GLIS3: variants seen among roughly 807,000 people sequenced by gnomAD.
The protein encoded by GLIS3 is GLIS family zinc finger 3, also known as zinc finger protein GLIS3.
GLIS3 carries 53 observed loss-of-function variants against 78.6 expected under a neutral mutation model. The ratio of observed to expected loss-of-function variants is 0.67; its 90% CI spans 0.54 to 0.85. The LOEUF is 0.85. GLIS3 is among the 40% of genes least tolerant of loss of function. The pLI is 0.00. For missense variants in GLIS3, 1,703 were observed against 1,231.1 expected (o/e 1.38, Z -5.74); for synonymous variants, 684 against 509.9 (o/e 1.34, Z -4.60).
chr9:4,360,024 CAA>C, the GLIS3 span, among the ~76,000 whole-genome samples: 8 of 134,002 alleles, frequency 6.0e-5, no homozygotes, highest in Admixed American at 2.2e-4. Flanking sequence ...TCAGGATTTG[CAA>C]AAAAAAAAAA....
At chr9:3,895,995 T>C (rs17693691) in intron 7 of GLIS3, among the ~76,000 whole-genome samples, 4,746 of 152,342 alleles carry the variant, frequency 0.031, 113 homozygotes, top group Middle Eastern at 0.058. Flanking sequence ...TTTTGTATAA[T>C]AGAACATAAA....
chr9:3,987,288 C>T (rs1363760233), intron 4 of GLIS3, among the ~76,000 whole-genome samples: 2 of 151,900 alleles, frequency 1.3e-5, no homozygotes, highest in Non-Finnish European at 2.9e-5. Flanking sequence ...AAAAGGCAAA[C>T]ATAATGAGAA....
At chr9:4,027,052 C>G (rs1367278217) in intron 4 of GLIS3, among the ~76,000 whole-genome samples, 1 of 152,144 alleles carries the variant, frequency 6.6e-6, no homozygotes, top group Non-Finnish European at 1.5e-5. Flanking sequence ...CTTTACATGT[C>G]AACCCTGCCC....
chr9:3,921,533 C>T (rs181096129), intron 6 of GLIS3, among the ~76,000 whole-genome samples: 4 of 152,130 alleles, frequency 2.6e-5, no homozygotes, highest in Admixed American at 2.0e-4. Flanking sequence ...TGGGAGAAAG[C>T]TGGAGTTTAA....
At chr9:3,968,549 C>A (rs528991519) in intron 4 of GLIS3, among the ~76,000 whole-genome samples, 16 of 152,148 alleles carry the variant, frequency 1.1e-4, no homozygotes, top group African/African-American at 3.6e-4. Flanking sequence ...TTAAATTATA[C>A]AAATTATATA....
At position 3,953,760 on chromosome 9, in the gene GLIS3, GCTCTCTCT is replaced by G. The variant is rs71507912; in HGVS notation, c.1711-16579_1711-16572del. Among the ~76,000 whole-genome samples, 510 of 103,336 alleles carry G rather than the reference GCTCTCTCT, an allele frequency of 4.9e-3. 8 individuals are homozygous for G. Among genetic ancestry groups the G allele is most frequent in the East Asian group, 0.04 (136 of 3,388 alleles). The allele number at this position is 103,336 out of a possible 152,430, so 67.8% of individuals were successfully genotyped here. ...AATATTGCCAATGATAATTAGATTT[GCTCTCTCT>G]CTCTCTCTCTCTCTCTCTCTCTCTC... On this transcript the variant is annotated intron_variant, in intron 4 of 10. Coordinates refer to ENST00000381971, the MANE Select transcript of GLIS3 (RefSeq NM_001042413.2).
chr9:4,309,923 G>T (rs1305373122), intron 3 of GLIS3, among the ~76,000 whole-genome samples: 3 of 151,978 alleles, frequency 2.0e-5, no homozygotes, highest in Non-Finnish European at 4.4e-5. Context: ...TCTCTCAAAG[G>T]TATGAAAAAA....
chr9:4,367,663 T>G, the GLIS3 span, among the ~76,000 whole-genome samples: 1 of 142,698 alleles, frequency 7.0e-6, no homozygotes. Flanking sequence ...AAAAAAGTTC[T>G]CTATGTGAGC....
At chr9:3,983,559 G>A (rs1282442228) in intron 4 of GLIS3, among the ~76,000 whole-genome samples, 1 of 152,142 alleles carries the variant, frequency 6.6e-6, no homozygotes, top group East Asian at 1.9e-4. Flanking sequence ...GAATGGCTTT[G>A]ACAAAAATGC....
intron 7 of GLIS3, among the ~76,000 whole-genome samples, chr9:3,894,302 A>G (rs959859661): frequency 6.6e-6 from 1 of 152,238 alleles, no homozygotes; most frequent in Non-Finnish European, 1.5e-5. Context: ...AGTTTAACCT[A>G]CTGGGAAATG....
At chr9:3,985,720 C>T (rs1322038187) in intron 4 of GLIS3, among the ~76,000 whole-genome samples, 2 of 152,146 alleles carry the variant, frequency 1.3e-5, no homozygotes, top group Non-Finnish European at 2.9e-5. Context: ...AAAATTTTAG[C>T]TCATGTGAGA....
chr9:4,488,662 G>T, the GLIS3 span, among the ~76,000 whole-genome samples: 1 of 152,036 alleles, frequency 6.6e-6, no homozygotes, highest in African/African-American at 2.4e-5. Context: ...TGGGATTACA[G>T]GTGCATGGCC....
At chr9:4,211,459 A>G (rs905902854) in intron 2 of GLIS3, among the ~76,000 whole-genome samples, 1 of 152,202 alleles carries the variant, frequency 6.6e-6, no homozygotes, top group African/African-American at 2.4e-5. Context: ...TTCTGTAAGG[A>G]AAGAGACACT....
intron 1 of GLIS3, among the ~76,000 whole-genome samples, chr9:4,291,660 T>G (rs1157935400): frequency 6.6e-6 from 1 of 152,038 alleles, no homozygotes; most frequent in Non-Finnish European, 1.5e-5. Flanking sequence ...ATTCAGGAAT[T>G]TACTCCTCTT....
chr9:4,343,426 G>A (rs753030645), intron 2 of GLIS3, among the ~76,000 whole-genome samples: 51 of 152,196 alleles, frequency 3.4e-4, no homozygotes, highest in Non-Finnish European at 6.9e-4. Context: ...CATGCTGCGA[G>A]AGTTGTGGAG....
chr9:3,866,027 C>T (rs1484787479), intron 8 of GLIS3, among the ~76,000 whole-genome samples: 1 of 152,180 alleles, frequency 6.6e-6, no homozygotes, highest in Admixed American at 6.5e-5. Context: ...TGGTCCGAAG[C>T]AGATTGTGGA....
the GLIS3 span, among the ~76,000 whole-genome samples, chr9:4,363,632 T>A: frequency 6.6e-6 from 1 of 152,236 alleles, no homozygotes. Flanking sequence ...CTAGCATCTG[T>A]GTAGCTGGCA....
intron 2 of GLIS3, among the ~76,000 whole-genome samples, chr9:4,204,300 G>A (rs1400296763): frequency 6.6e-6 from 1 of 152,124 alleles, no homozygotes; most frequent in South Asian, 2.1e-4. Context: ...ACATCCCAAT[G>A]CCTTCTAGAA....
chr9:4,061,147 T>A (rs972041212), intron 4 of GLIS3, among the ~76,000 whole-genome samples: 9 of 151,992 alleles, frequency 5.9e-5, no homozygotes, highest in Non-Finnish European at 1.3e-4. Flanking sequence ...ACATGTGCCA[T>A]GTTGGTGTGC....
Sources: gnomAD v4.1 joint callset for allele counts (sites outside exome capture counted in the v4.1 genomes callset) on GRCh38, gnomAD v4.1.1 for gene constraint, MANE v1.5 for transcripts, NCBI Gene and HGNC (gene_info 2026-07-23, HGNC 2026-07-21) for gene names.